The following ZNF493 variants were observed in gnomAD, a reference collection of about 807,000 sequenced individuals.
ZNF493 encodes the protein zinc finger protein 493.
In ZNF493, 11 loss-of-function variants were observed where a neutral mutation model predicts 12.2. The observed-to-expected ratio is 0.90, with a 90% CI of 0.57 to 1.50. The LOEUF is 1.50. Ranked by LOEUF, ZNF493 falls within the 40% of genes most tolerant of loss-of-function variation. ZNF493 has a pLI of 0.00. For synonymous variants in ZNF493, 286 were observed against 302.6 expected, an observed-to-expected ratio of 0.95 and a Z score of 0.57; for missense variants, 950 against 906.6, an observed-to-expected ratio of 1.05 and a Z score of -0.61.
intron 3 of ZNF493, among the ~76,000 whole-genome samples, chr19:21,420,109 A>G (rs2030611527): frequency 1.3e-5 from 2 of 152,054 alleles, no homozygotes; most frequent in Admixed American, 1.3e-4. Context: ...CAGACACTGA[A>G]TCTGTAGCAG....
At chr19:21,403,989 C>T (rs576579973) in intron 1 of ZNF493, among the ~76,000 whole-genome samples, 20 of 152,236 alleles carry the variant, frequency 1.3e-4, no homozygotes, top group African/African-American at 4.8e-4. Flanking sequence ...TCAAGATTCC[C>T]ATTGGCGGAA....
chr19:21,408,722 T>C, intron 3 of ZNF493: 1 of 985,274 alleles, frequency 1.0e-6, no homozygotes, highest in Non-Finnish European at 1.2e-6. Context: ...ATTATAATTT[T>C]AGTCAATTTG....
rs371335967 is a variant in ZNF493 at position 21,424,732 on chromosome 19, C to T, written c.2073C>T (p.Gly691=). Residue 691 remains glycine (G), a synonymous_variant, in exon 4 of 4, where the codon GGC becomes GGT. Coordinates refer to ENST00000392288, the MANE Select transcript of ZNF493 (RefSeq NM_001076678.3). ...EEKPYKCEKC[G]KTFYRFSNLN... ...AACCCTACAAATGTGAAAAATGTGG[C>T]AAAACTTTCTACCGATTCTCAAACC... is the stretch of plus-strand genomic sequence containing the variant. 6.2e-7 allele frequency: 1 copy of T among 1,613,128 alleles called. No individual in the cohort carries two copies. Among genetic ancestry groups the T allele is most frequent in the African/African-American group, 1.3e-5 (1 of 74,788 alleles).
Position 21,423,059 on chromosome 19 carries a change from G to A in ZNF493, c.400G>A (p.Val134Met), listed in dbSNP as rs865814847. 4 of 1,613,698 alleles carry A rather than the reference G, an allele frequency of 2.5e-6. No homozygotes were observed. The highest frequency in any genetic ancestry group is 1.3e-5 in the African/African-American group (1 of 75,022). The change falls in exon 4 of 4, where the codon GTG (valine) becomes ATG (methionine). Residue 134 changes from valine to methionine, a missense_variant. By Grantham distance (21) the Val-to-Met change is conservative. Coordinates refer to ENST00000392288, the MANE Select transcript of ZNF493 (RefSeq NM_001076678.3). ...KGCKSMNECN[V>M]HKEGYNELNQ... ...ATGTAAAAGTATGAATGAGTGTAAT[G>A]TGCACAAAGAAGGTTATAATGAACT...
chr19:21,398,518 A>G, intron 1 of ZNF493: 1 of 309,342 alleles, frequency 3.2e-6, no homozygotes, highest in Non-Finnish European at 6.2e-6. Flanking sequence ...CATGGGTTTC[A>G]GTACTATCTG....
intron 3 of ZNF493, among the ~76,000 whole-genome samples, chr19:21,410,190 A>T (rs983714245): frequency 6.6e-6 from 1 of 151,596 alleles, no homozygotes; most frequent in Non-Finnish European, 1.5e-5. Context: ...ATGTTCTAAT[A>T]GGTCTTCCAG....
At chr19:21,417,738 G>A (rs1290090667) in intron 3 of ZNF493, among the ~76,000 whole-genome samples, 2 of 152,086 alleles carry the variant, frequency 1.3e-5, no homozygotes, top group African/African-American at 4.8e-5. Flanking sequence ...ATTAATTTGA[G>A]GATGGGCCTG....
rs550784160 is a variant in ZNF493, at chr19:21,408,151, G to T, written c.253+2295G>T. 234 of 944,196 alleles carry T rather than the reference G, an allele frequency of 2.5e-4. 1 individual carries two copies. In the Middle Eastern group the frequency reaches 3.5e-3, roughly 14 times the overall value. 58.5% of individuals were successfully genotyped at this position (944,196 alleles called of 1,614,324 possible). ...TTTTTTTTTTTTTTTTTTGAGACAG[G>T]AGTCTCGCTCTGTCGCCTGGCTGGA... On this transcript the variant is annotated intron_variant, in intron 3 of 3. Transcript: ENST00000392288.
Position 21,397,172 on chromosome 19 carries a change from C to A in ZNF493, c.-66C>A, listed in dbSNP as rs1332062366. ...CTGCCGGAGCTCCAGGTCTACCCTT[C>A]ACTGCTCTGTGTCCTCAGCGTGTGT... On this transcript the variant is annotated 5_prime_UTR_variant, in exon 1 of 4. Transcript: ENST00000392288. 1.3e-6 allele frequency: 2 copies of A among 1,594,116 alleles called. No individual in the cohort carries two copies. The highest frequency in any genetic ancestry group is 2.7e-5 in the African/African-American group (2 of 74,604).
intron 3 of ZNF493, among the ~76,000 whole-genome samples, chr19:21,419,150 A>G (rs926101167): frequency 1.1e-4 from 16 of 152,162 alleles, no homozygotes; most frequent in African/African-American, 3.9e-4. Flanking sequence ...ATCCAGAGCC[A>G]TGTGACTGGC....
rs746429249 is a variant in ZNF493 at position 21,424,471 on chromosome 19, A to C, written c.1812A>C (p.Glu604Asp). 3 of 1,613,498 alleles carry C rather than the reference A, an allele frequency of 1.9e-6. No individual in the cohort carries two copies. The South Asian group carries it at 3.3e-5, about 18-fold the overall frequency. The change falls in exon 4 of 4, where the codon GAA becomes GAC. Residue 604 changes from glutamate (E) to aspartate (D), a missense_variant. By Grantham distance (45) the Glu-to-Asp change is conservative (BLOSUM62 2). Coordinates refer to ENST00000392288, the MANE Select transcript of ZNF493 (RefSeq NM_001076678.3). Reference sequence around the variant, plus strand: ...CTGATAAGAAACCCTACAAATGTGAAGAATGTGGCAAAGCTTTTAACCGAT... The same window carrying C: ...CTGATAAGAAACCCTACAAATGTGACGAATGTGGCAAAGCTTTTAACCGAT... ...IHTDKKPYKC[E>D]ECGKAFNRSS...
intron 1 of ZNF493, chr19:21,398,216 C>T (rs1444814837): frequency 6.6e-6 from 1 of 152,494 alleles, no homozygotes; most frequent in Admixed American, 6.5e-5. Flanking sequence ...CACATTATCG[C>T]CTATTTGTCT....
chr19:21,404,105 G>A lies in ZNF493; in HGVS notation c.31-1024G>A, dbSNP rs563439398. Among the ~76,000 whole-genome samples the A allele has an allele frequency of 2.8e-4, 42 of 152,232 alleles. 2 individuals carry two copies. In the South Asian group the frequency reaches 7.9e-3, roughly 29 times the overall value. On this transcript the variant is annotated intron_variant, in intron 1 of 3. Coordinates refer to ENST00000392288, the MANE Select transcript of ZNF493 (RefSeq NM_001076678.3). ...GATTAATAAAATGCTTATTTAAACA[G>A]GATGGTGTTTATTACCCTGAAAGTT...
intron 1 of ZNF493, among the ~76,000 whole-genome samples, chr19:21,399,836 A>G (rs1392074965): frequency 6.6e-6 from 1 of 152,188 alleles, no homozygotes; most frequent in East Asian, 1.9e-4. Flanking sequence ...ATACATTTCC[A>G]TGAGAAAATG....
In ZNF493 at chr19:21,410,091, T is replaced by C. The variant is rs62110423; in HGVS notation, c.253+4235T>C. Among the ~76,000 whole-genome samples, 833 of 144,456 alleles carry C rather than the reference T, an allele frequency of 5.8e-3. 4 individuals are homozygous for C. The highest frequency in any genetic ancestry group is 8.9e-3 in the Non-Finnish European group (590 of 66,330). 94.8% of individuals were successfully genotyped at this position (144,456 alleles called of 152,430 possible). A position where few individuals can be genotyped will look rare whatever the true frequency, so the allele number is the denominator to read the frequency against. ...ATATATATATATATATATATATATA[T>C]GCAACACTTTTGATGTGTTTATAAA... On this transcript the variant is annotated intron_variant, in intron 3 of 3. Coordinates refer to ENST00000392288, the MANE Select transcript of ZNF493 (RefSeq NM_001076678.3).
At chr19:21,422,404 A>G (rs1369495617) in intron 3 of ZNF493, among the ~76,000 whole-genome samples, 5 of 150,308 alleles carry the variant, frequency 3.3e-5, no homozygotes, top group Non-Finnish European at 7.4e-5. Context: ...TAACAAAATC[A>G]AAAGTTGGCA....
intron 3 of ZNF493, chr19:21,413,241 G>A (rs1599374237): frequency 2.6e-6 from 1 of 384,260 alleles, no homozygotes; most frequent in Non-Finnish European, 4.6e-6. Context: ...AATTATAGGA[G>A]CAGATTTATT....
Position 21,425,586 on chromosome 19 carries a change from T to G in ZNF493, c.*602T>G, listed in dbSNP as rs1377950870. Reference sequence around the variant, plus strand: ...CCAATTTACTGCACATAAGATAATTTATACTGGAGAGAAGCCCTACAAATG... The same window carrying G: ...CCAATTTACTGCACATAAGATAATTGATACTGGAGAGAAGCCCTACAAATG... On this transcript the variant is annotated 3_prime_UTR_variant, in exon 4 of 4. Coordinates refer to ENST00000392288, the MANE Select transcript of ZNF493 (RefSeq NM_001076678.3). The G allele has an allele frequency of 1.6e-6, 1 of 633,974 alleles. No homozygotes were observed. Among genetic ancestry groups the G allele is most frequent in the East Asian group, 4.1e-5 (1 of 24,604 alleles). The allele number at this position is 633,974 out of a possible 1,614,324, so 39.3% of individuals were successfully genotyped here. A position where few individuals can be genotyped will look rare whatever the true frequency, so the allele number is the denominator to read the frequency against.
intron 1 of ZNF493, chr19:21,397,597 T>C: frequency 1.9e-6 from 1 of 529,204 alleles, no homozygotes; most frequent in South Asian, 3.0e-5. Context: ...TGACTTGGGG[T>C]GCGGGTTCAT....
Sources: allele counts gnomAD v4.1 joint callset (sites outside exome capture counted in the v4.1 genomes callset), GRCh38; gene constraint gnomAD v4.1.1; transcripts MANE v1.5; gene names NCBI Gene and HGNC (gene_info 2026-07-23, HGNC 2026-07-21).